GSK3B: variants seen among roughly 807,000 people sequenced by gnomAD.
The protein encoded by GSK3B is glycogen synthase kinase-3 beta.
A neutral mutation model predicts 56.4 loss-of-function variants in GSK3B; 15 were observed. The ratio of observed to expected loss-of-function variants is 0.27; its 90% CI spans 0.18 to 0.41. The LOEUF (loss-of-function observed/expected upper bound fraction) is 0.41. Ranked by LOEUF, GSK3B falls within the 10% of genes least tolerant of loss-of-function variation. The probability of loss-of-function intolerance (pLI) is 1.00; values close to 1 mark genes in which losing one functional copy is unlikely to be tolerated. For missense variants in GSK3B, 300 were observed against 513.4 expected, an observed-to-expected ratio of 0.58 and a Z score of 4.02; for synonymous variants, 181 against 188.9, an observed-to-expected ratio of 0.96 and a Z score of 0.34.
At chr3:119,922,710 A>C (rs1233515025) in intron 4 of GSK3B, among the ~76,000 whole-genome samples, 2 of 152,006 alleles carry the variant, frequency 1.3e-5, no homozygotes, top group African/African-American at 2.4e-5. Flanking sequence ...ATAAAGGGTT[A>C]AATTTAAAAA....
intron 1 of GSK3B, among the ~76,000 whole-genome samples, chr3:120,026,218 A>G (rs1450363974): frequency 6.6e-6 from 1 of 152,172 alleles, no homozygotes; most frequent in South Asian, 2.1e-4. Context: ...CGATTTTCTA[A>G]AAGTCTTAAA....
chr3:120,033,956 G>A (rs1310219697), intron 1 of GSK3B, among the ~76,000 whole-genome samples: 1 of 152,164 alleles, frequency 6.6e-6, no homozygotes, highest in Non-Finnish European at 1.5e-5. Context: ...GTCTCAGGTA[G>A]TTCTGTATAG....
chr3:119,897,070 G>A (rs1206827170), intron 7 of GSK3B, among the ~76,000 whole-genome samples: 2 of 152,030 alleles, frequency 1.3e-5, no homozygotes, highest in Non-Finnish European at 2.9e-5. Context: ...CTGGAAAAAA[G>A]TTTCTTTGTA....
At chr3:119,920,438 G>A (rs552780857) in intron 4 of GSK3B, among the ~76,000 whole-genome samples, 94 of 152,034 alleles carry the variant, frequency 6.2e-4, no homozygotes, top group Middle Eastern at 6.8e-3. Flanking sequence ...GTGGGGTCTC[G>A]CCATGTTGGC....
chr3:119,933,181 T>C (rs1296351705), intron 3 of GSK3B, among the ~76,000 whole-genome samples: 1 of 147,728 alleles, frequency 6.8e-6, no homozygotes. Context: ...GCCTCACTCA[T>C]AATTAAAGAA....
Position 120,093,699 on chromosome 3 carries a change from C to T in GSK3B, c.-265G>A. 1 of 355,844 alleles carries T rather than the reference C, an allele frequency of 2.8e-6. No individual in the cohort carries two copies. Among genetic ancestry groups the T allele is most frequent in the Non-Finnish European group, 5.1e-6 (1 of 197,492 alleles). 22.0% of individuals were successfully genotyped at this position (355,844 alleles called of 1,614,324 possible). A position where few individuals can be genotyped will look rare whatever the true frequency, so the allele number is the denominator to read the frequency against. On this transcript the variant is annotated 5_prime_UTR_variant, in exon 1 of 11. Transcript: ENST00000264235. ...TTGGGAAAAAATACAATTCTTTCCC[C>T]TCCCTTTCCTGGGAGGAGAGAAAAG... is the stretch of plus-strand genomic sequence containing the variant.
chr3:119,993,904 G>A (rs1264612022), intron 2 of GSK3B, among the ~76,000 whole-genome samples: 1 of 152,166 alleles, frequency 6.6e-6, no homozygotes, highest in Non-Finnish European at 1.5e-5. Context: ...TTTTGAGACA[G>A]AGTCTTGCTC....
At chr3:119,847,257 T>C (rs1346150502) in intron 9 of GSK3B, among the ~76,000 whole-genome samples, 3 of 151,986 alleles carry the variant, frequency 2.0e-5, no homozygotes, top group African/African-American at 7.3e-5. Flanking sequence ...CTGCACCTTC[T>C]CCACATGTAT....
intron 4 of GSK3B, among the ~76,000 whole-genome samples, chr3:119,919,519 G>GAAAAAAAAAAAAAAA (rs1166564827): frequency 2.7e-5 from 1 of 37,628 alleles, no homozygotes; most frequent in African/African-American, 8.4e-5. Context: ...GGTTACATAA[G>GAAAAAAAAAAAAAAA]AAAAAAAAAA....
chr3:119,937,888 G>A (rs1461007611), intron 3 of GSK3B, among the ~76,000 whole-genome samples: 1 of 151,842 alleles, frequency 6.6e-6, no homozygotes, highest in East Asian at 1.9e-4. Context: ...TGTAGGGATA[G>A]ACTGACAAAT....
intron 10 of GSK3B, among the ~76,000 whole-genome samples, chr3:119,838,726 T>C (rs1022849806): frequency 6.6e-6 from 1 of 152,334 alleles, no homozygotes; most frequent in South Asian, 2.1e-4. Flanking sequence ...TTTTGTTATA[T>C]ATTAATACAT....
intron 2 of GSK3B, among the ~76,000 whole-genome samples, chr3:119,988,673 G>A (rs1167732481): frequency 1.3e-5 from 2 of 152,156 alleles, no homozygotes; most frequent in African/African-American, 2.4e-5. Context: ...GTTATCTTGG[G>A]ACCTCAAGAG....
At chr3:119,880,929 GAGTGTTTATA>G (rs932305463) in intron 7 of GSK3B, among the ~76,000 whole-genome samples, 2 of 152,110 alleles carry the variant, frequency 1.3e-5, no homozygotes, top group Non-Finnish European at 2.9e-5. Context: ...ATGAATAAAT[GAGTGTTTATA>G]AGTGTATACC....
intron 1 of GSK3B, chr3:120,029,138 T>C: frequency 2.8e-6 from 2 of 706,874 alleles, no homozygotes; most frequent in Non-Finnish European, 2.5e-6. Flanking sequence ...TTTGATGATA[T>C]AAAAGCTGAC....
At chr3:120,089,904 T>C (rs1373952926) in intron 1 of GSK3B, among the ~76,000 whole-genome samples, 1 of 152,166 alleles carries the variant, frequency 6.6e-6, no homozygotes, top group Admixed American at 6.5e-5. Context: ...ATTTCAAATA[T>C]ACTGATTTAA....
At chr3:119,936,339 T>A (rs529640796) in intron 3 of GSK3B, among the ~76,000 whole-genome samples, 1,386 of 124,698 alleles carry the variant, frequency 0.011, 26 homozygotes, top group African/African-American at 0.035. Flanking sequence ...ATATAAAAAA[T>A]ATATATATAT....
intron 6 of GSK3B, among the ~76,000 whole-genome samples, chr3:119,910,834 T>C (rs2056728416): frequency 1.3e-5 from 2 of 152,260 alleles, no homozygotes; most frequent in Non-Finnish European, 2.9e-5. Flanking sequence ...CACAGCGTCT[T>C]AACCACTAGT....
chr3:120,079,304 TTACACACACACA>T (rs1436334272), intron 1 of GSK3B, among the ~76,000 whole-genome samples: 1 of 60,966 alleles, frequency 1.6e-5, no homozygotes, highest in Non-Finnish European at 2.9e-5. Context: ...TGACAGGAAA[TTACACACACACA>T]CACACACACA....
chr3:119,915,629 C>T (rs1365861591), intron 5 of GSK3B, among the ~76,000 whole-genome samples: 4 of 151,938 alleles, frequency 2.6e-5, no homozygotes, highest in African/African-American at 9.7e-5. Context: ...CTTGATCTTG[C>T]TTTCTTCATT....
Sources: allele counts gnomAD v4.1 joint callset (sites outside exome capture counted in the v4.1 genomes callset), GRCh38; gene constraint gnomAD v4.1.1; transcripts MANE v1.5; gene names NCBI Gene and HGNC (gene_info 2026-07-23, HGNC 2026-07-21).